RTTN: variants seen among roughly 807,000 people sequenced by gnomAD.
RTTN encodes the protein rotatin.
Under a neutral mutation model 269.2 loss-of-function variants are expected in RTTN, and 182 were observed. The ratio of observed to expected loss-of-function variants is 0.68; its 90% CI spans 0.60 to 0.76. RTTN has a LOEUF of 0.76. Among genes scored for constraint, RTTN ranks in the 30% least tolerant of loss-of-function variants. The pLI is 0.00. For synonymous variants in RTTN, 1,006 were observed against 963.5 expected (o/e 1.04, Z -0.82); for missense variants, 2,545 against 2,608.6 (o/e 0.98, Z 0.53).
chr18:70,186,229 G>A (rs2061543964), intron 10 of RTTN, among the ~76,000 whole-genome samples: 1 of 152,198 alleles, frequency 6.6e-6, no homozygotes, highest in Non-Finnish European at 1.5e-5. Flanking sequence ...TCCACACAAT[G>A]TAATACTACT....
intron 7 of RTTN, chr18:70,194,716 G>GAGGA (rs2061760707): frequency 6.6e-6 from 1 of 152,228 alleles, no homozygotes; most frequent in Non-Finnish European, 1.5e-5. Flanking sequence ...AATACTGTAT[G>GAGGA]ATTCCTCTTA....
intron 3 of RTTN, among the ~76,000 whole-genome samples, chr18:70,202,190 CCT>C (rs1203379327): frequency 6.6e-6 from 1 of 152,026 alleles, no homozygotes; most frequent in African/African-American, 2.4e-5. Context: ...AAGCTTTTTC[CCT>C]CTCACTTTTA....
intron 29 of RTTN, 136 bp from the exon 30 acceptor site, chr18:70,092,356 C>A: frequency 3.1e-6 from 2 of 642,034 alleles, no homozygotes; most frequent in Non-Finnish European, 2.6e-6. Flanking sequence ...ATTATTCAGC[C>A]AAAAAAGGCA....
chr18:70,124,267 G>A (rs947564111), intron 25 of RTTN, among the ~76,000 whole-genome samples: 4 of 151,996 alleles, frequency 2.6e-5, no homozygotes, highest in African/African-American at 7.2e-5. Flanking sequence ...CGCAAAAACA[G>A]AATGAATATC....
At chr18:70,182,145 C>T (rs914240311) in intron 10 of RTTN, among the ~76,000 whole-genome samples, 1 of 152,058 alleles carries the variant, frequency 6.6e-6, no homozygotes, top group African/African-American at 2.4e-5. Context: ...TAAAGAAAAA[C>T]CAAGATTCAG....
chr18:70,010,327 A>G (rs1195359870), intron 46 of RTTN, among the ~76,000 whole-genome samples: 3 of 152,232 alleles, frequency 2.0e-5, no homozygotes, highest in East Asian at 3.8e-4. Flanking sequence ...AACTGACCAC[A>G]TACTTGGAAG....
At chr18:70,175,573 G>A (rs111336074) in intron 11 of RTTN, among the ~76,000 whole-genome samples, 118 of 150,976 alleles carry the variant, frequency 7.8e-4, no homozygotes, top group African/African-American at 2.5e-3. Flanking sequence ...AAAATATTAA[G>A]CAATTAAGTT....
chr18:70,003,595 C>T lies in RTTN; in HGVS notation c.*556G>A, dbSNP rs534173780. On this transcript the variant is annotated 3_prime_UTR_variant, in exon 49 of 49. Coordinates refer to ENST00000640769, the MANE Select transcript of RTTN (RefSeq NM_173630.4). The stretch of plus-strand genomic sequence containing the variant: ...CACACAGCCCTTTACAAATAATGCA[C>T]ACTTACTTCTACATAGCCCTTTTCC... 1 of 152,180 alleles carries T rather than the reference C, an allele frequency of 6.6e-6. No individual in the cohort carries two copies. Among genetic ancestry groups the T allele is most frequent in the Non-Finnish European group, 1.5e-5 (1 of 68,052 alleles). 9.4% of individuals were successfully genotyped at this position (152,180 alleles called of 1,614,324 possible). A position where few individuals can be genotyped will look rare whatever the true frequency, so the allele number is the denominator to read the frequency against.
chr18:70,076,979 T>A (rs2058445093), intron 32 of RTTN, among the ~76,000 whole-genome samples: 1 of 151,910 alleles, frequency 6.6e-6, no homozygotes, highest in Admixed American at 6.6e-5. Context: ...TACTTAAACG[T>A]ACAAAACACG....
At chr18:70,128,049 C>G in intron 24 of RTTN, 2 of 421,674 alleles carry the variant, frequency 4.7e-6, no homozygotes, top group South Asian at 6.5e-5. Flanking sequence ...CATGCATATA[C>G]TTACTGAGAT....
At chr18:70,186,627 T>C (rs1419579166) in intron 10 of RTTN, among the ~76,000 whole-genome samples, 1 of 152,130 alleles carries the variant, frequency 6.6e-6, no homozygotes, top group Non-Finnish European at 1.5e-5. Flanking sequence ...CCTAAATGCC[T>C]ATCAATGGGA....
intron 35 of RTTN, chr18:70,061,511 C>T: frequency 2.3e-6 from 1 of 427,690 alleles, no homozygotes. Context: ...TATACGTATG[C>T]ATGCACATAC....
intron 30 of RTTN, among the ~76,000 whole-genome samples, chr18:70,089,147 CTG>C (rs1207268829): frequency 1.1e-4 from 17 of 152,142 alleles, no homozygotes; most frequent in African/African-American, 4.1e-4. Flanking sequence ...GTGTACTGAA[CTG>C]TGTCTCCTCA....
intron 7 of RTTN, among the ~76,000 whole-genome samples, chr18:70,196,156 A>G (rs781165897): frequency 3.9e-5 from 6 of 152,206 alleles, no homozygotes; most frequent in Non-Finnish European, 5.9e-5. Context: ...TTAACACTAT[A>G]TGTAACTTGC....
At chr18:70,024,661 A>G in intron 44 of RTTN, 61 bp downstream of exon 44, 1 of 1,456,388 alleles carries the variant, frequency 6.9e-7, no homozygotes. Context: ...GTCCACCTTA[A>G]CAACATTTAT....
At position 70,204,152 on chromosome 18, in the gene RTTN, C is replaced by G. The variant is rs764086082; in HGVS notation, c.331G>C (p.Gly111Arg). ...LQAEIDGILD[G>R]LFLLPSEVPA... Reference sequence around the variant, plus strand: ...ACTTCCGAAGGAAGAAGAAAAAGTCCATCCAGAATGCCATCAATTTCAGCC... The same window carrying G: ...ACTTCCGAAGGAAGAAGAAAAAGTCGATCCAGAATGCCATCAATTTCAGCC... Residue 111 changes from glycine to arginine, a missense_variant, in exon 3 of 49, where the codon GGA (glycine) becomes CGA (arginine). Gly to Arg is a moderately radical substitution (Grantham distance 125, BLOSUM62 -2). Transcript: ENST00000640769. 3 of 1,613,914 alleles carry G rather than the reference C, an allele frequency of 1.9e-6. No individual in the cohort carries two copies. The highest frequency in any genetic ancestry group is 4.5e-5 in the East Asian group (2 of 44,888).
intron 39 of RTTN, 101 bp downstream of exon 39, chr18:70,051,310 A>G: frequency 7.5e-7 from 1 of 1,339,552 alleles, no homozygotes; most frequent in African/African-American, 1.5e-5. Context: ...ATGCCATGCT[A>G]TAATTACTTA....
At chr18:70,028,621 A>T in intron 43 of RTTN, 103 bp downstream of exon 43, 1 of 634,088 alleles carries the variant, frequency 1.6e-6, no homozygotes, top group Non-Finnish European at 2.6e-6. Flanking sequence ...TAAAAATTTA[A>T]AAGTCAGAGC....
intron 37 of RTTN, among the ~76,000 whole-genome samples, chr18:70,057,060 G>T (rs1286295174): frequency 6.6e-6 from 1 of 152,226 alleles, no homozygotes; most frequent in Non-Finnish European, 1.5e-5. Flanking sequence ...GACCATGCGT[G>T]TAGCATTCCC....
Sources: gnomAD v4.1 joint callset for allele counts (sites outside exome capture counted in the v4.1 genomes callset) on GRCh38, gnomAD v4.1.1 for gene constraint, MANE v1.5 for transcripts, NCBI Gene and HGNC (gene_info 2026-07-23, HGNC 2026-07-21) for gene names.